Variants in NALF1 observed in about 807,000 individuals in gnomAD.
NALF1 encodes the protein family with sequence similarity 155 member A.
NALF1 carries 3 observed loss-of-function variants against 48.4 expected under a neutral mutation model. The ratio of observed to expected loss-of-function variants is 0.06; its 90% confidence interval spans 0.03 to 0.16. The LOEUF (loss-of-function observed/expected upper bound fraction) is 0.16, where lower values mean the gene tolerates loss of function less well. Among genes scored for constraint, NALF1 ranks in the 10% least tolerant of loss-of-function variants. The pLI is 1.00. For synonymous variants in NALF1, 262 were observed against 245.7 expected, an observed-to-expected ratio of 1.07 and a Z score of -0.62; for missense variants, 526 against 571.5, an observed-to-expected ratio of 0.92 and a Z score of 0.81.
At chr13:107,803,935 C>T (rs571451773) in intron 1 of NALF1, among the ~76,000 whole-genome samples, 1 of 152,270 alleles carries the variant, frequency 6.6e-6, no homozygotes, top group South Asian at 2.1e-4. Context: ...TCTATTATTT[C>T]GGCCCAATCT....
rs541651892 is a variant in NALF1, at chr13:107,713,217, T to C, written c.915+152465A>G. Reference sequence around the variant, plus strand: ...CTAAGCCCCCTCTCCCTTCAGTAAGTAGAACATTTCACATACGGATTATCC... The same window carrying C: ...CTAAGCCCCCTCTCCCTTCAGTAAGCAGAACATTTCACATACGGATTATCC... On this transcript the variant is annotated intron_variant, in intron 1 of 2. Coordinates refer to ENST00000375915, the MANE Select transcript of NALF1 (RefSeq NM_001080396.3). 7.2e-5 allele frequency among the ~76,000 whole-genome samples: 11 copies of C among 152,322 alleles called. No homozygotes were observed. The South Asian group carries it at 2.3e-3, about 32-fold the overall frequency.
intron 1 of NALF1, among the ~76,000 whole-genome samples, chr13:107,536,958 T>C (rs1015169831): frequency 3.3e-5 from 5 of 152,168 alleles, no homozygotes; most frequent in South Asian, 4.1e-4. Context: ...GAAACCATCA[T>C]TCTCAGCAAA....
At chr13:107,315,481 C>A (rs569006777) in intron 1 of NALF1, among the ~76,000 whole-genome samples, 1 of 152,202 alleles carries the variant, frequency 6.6e-6, no homozygotes, top group Admixed American at 6.6e-5. Context: ...ACCTTCAGTG[C>A]TTTCTCTTGG....
intron 1 of NALF1, among the ~76,000 whole-genome samples, chr13:107,494,572 C>T (rs1468143444): frequency 1.3e-5 from 2 of 152,198 alleles, no homozygotes; most frequent in Non-Finnish European, 2.9e-5. Flanking sequence ...ATGGATCATT[C>T]ATTGCTGCAT....
intron 1 of NALF1, among the ~76,000 whole-genome samples, chr13:107,665,008 A>T (rs1469475105): frequency 2.6e-5 from 4 of 152,158 alleles, no homozygotes; most frequent in African/African-American, 9.7e-5. Context: ...CCAACAGACA[A>T]TATGGTACTT....
At chr13:107,229,685 C>T (rs1006020020) in intron 1 of NALF1, among the ~76,000 whole-genome samples, 2 of 152,094 alleles carry the variant, frequency 1.3e-5, no homozygotes, top group Non-Finnish European at 1.5e-5. Flanking sequence ...AAATCAATTC[C>T]CCTCTCTCCA....
intron 1 of NALF1, among the ~76,000 whole-genome samples, chr13:107,782,482 A>G (rs1327668059): frequency 0.011 from 1,731 of 151,912 alleles, 14 homozygotes; most frequent in Non-Finnish European, 0.019. Context: ...CACCCCGTCT[A>G]GGAAGTGAGG....
intron 1 of NALF1, among the ~76,000 whole-genome samples, chr13:107,737,227 T>C (rs887833824): frequency 7.2e-5 from 11 of 152,222 alleles, no homozygotes; most frequent in Non-Finnish European, 2.9e-5. Flanking sequence ...TTATTAATGA[T>C]TTCATGACAC....
chr13:107,463,347 A>G (rs1336111303), intron 1 of NALF1, among the ~76,000 whole-genome samples: 1 of 152,222 alleles, frequency 6.6e-6, no homozygotes, highest in African/African-American at 2.4e-5. Flanking sequence ...GTTTCTACAC[A>G]ATTCTATGGG....
At position 107,303,413 on chromosome 13, in the gene NALF1, A is replaced by G. The variant is rs550982950; in HGVS notation, c.916-92658T>C. ...CTATAGATATATTATATTTCAGCCT[A>G]AATTGTATAGGTTAATAAATAAAAA... On this transcript the variant is annotated intron_variant, in intron 1 of 2. Transcript: ENST00000375915. Among the ~76,000 whole-genome samples the G allele has an allele frequency of 3.0e-4, 45 of 152,348 alleles. No homozygotes were observed. In the South Asian group the frequency reaches 3.7e-3, roughly 13 times the overall value.
chr13:107,326,075 A>C (rs1882359452), intron 1 of NALF1, among the ~76,000 whole-genome samples: 1 of 151,432 alleles, frequency 6.6e-6, no homozygotes, highest in African/African-American at 2.4e-5. Flanking sequence ...AAAGGAAAAT[A>C]TACAAATTTC....
chr13:107,613,717 C>A (rs1879302023), intron 1 of NALF1, among the ~76,000 whole-genome samples: 1 of 152,278 alleles, frequency 6.6e-6, no homozygotes, highest in Non-Finnish European at 1.5e-5. Context: ...TCAGTTAACA[C>A]AGCATAGCGC....
intron 1 of NALF1, among the ~76,000 whole-genome samples, chr13:107,677,388 T>C (rs555775702): frequency 9.1e-4 from 139 of 152,334 alleles, no homozygotes; most frequent in Non-Finnish European, 1.7e-3. Context: ...ATAAACACAA[T>C]TGAGAAAAAC....
intron 1 of NALF1, among the ~76,000 whole-genome samples, chr13:107,291,397 C>G (rs370797132): frequency 1.5e-4 from 23 of 151,660 alleles, no homozygotes; most frequent in Admixed American, 5.9e-4. Context: ...AACACCACAC[C>G]AGACCTCACG....
intron 1 of NALF1, among the ~76,000 whole-genome samples, chr13:107,242,356 C>T (rs1002336785): frequency 1.3e-4 from 20 of 152,274 alleles, no homozygotes; most frequent in Non-Finnish European, 2.1e-4. Context: ...CCCTTCTCCT[C>T]CTCAATGTCC....
At chr13:107,440,134 A>T (rs1245024850) in intron 1 of NALF1, among the ~76,000 whole-genome samples, 1 of 152,242 alleles carries the variant, frequency 6.6e-6, no homozygotes, top group Non-Finnish European at 1.5e-5. Flanking sequence ...ACCTTAGGTT[A>T]TCAATGAGGG....
Position 107,168,038 on chromosome 13 carries a change from A to C in NALF1, c.*2459T>G, listed in dbSNP as rs573984298. 1 of 152,434 alleles carries C rather than the reference A, an allele frequency of 6.6e-6. No homozygotes were observed. The highest frequency in any genetic ancestry group is 1.5e-5 in the Non-Finnish European group (1 of 68,048). 9.4% of individuals were successfully genotyped at this position (152,434 alleles called of 1,614,324 possible). A position where few individuals can be genotyped will look rare whatever the true frequency, so the allele number is the denominator to read the frequency against. ...AAAAGTGAGTGGAATTTGCACTTGC[A>C]TTGTCATTTTCCTGCAAGAATGGAA... On this transcript the variant is annotated 3_prime_UTR_variant, in exon 3 of 3. Transcript: ENST00000375915.
chr13:107,267,284 C>T (rs924162967), intron 1 of NALF1, among the ~76,000 whole-genome samples: 2 of 152,058 alleles, frequency 1.3e-5, no homozygotes, highest in African/African-American at 4.8e-5. Flanking sequence ...GTAGATACCA[C>T]ATAAAATTGG....
chr13:107,290,181 A>AC (rs1484365555), intron 1 of NALF1, among the ~76,000 whole-genome samples: 7 of 144,300 alleles, frequency 4.9e-5, no homozygotes, highest in African/African-American at 1.9e-4. Flanking sequence ...CAGCAAAAAA[A>AC]AAAAACAAAA....
Sources: gnomAD v4.1 joint callset for allele counts (sites outside exome capture counted in the v4.1 genomes callset) on GRCh38, gnomAD v4.1.1 for gene constraint, MANE v1.5 for transcripts, NCBI Gene and HGNC (gene_info 2026-07-23, HGNC 2026-07-21) for gene names.